POC1B: variants seen among roughly 807,000 people sequenced by gnomAD.
POC1B encodes POC1 centriolar protein B.
In POC1B, 44 loss-of-function variants were observed where a neutral mutation model predicts 60.6. The ratio of observed to expected loss-of-function variants is 0.73; its 90% CI spans 0.57 to 0.93. POC1B has a LOEUF of 0.93. POC1B is among the 40% of genes least tolerant of loss of function. The pLI, the probability that POC1B is intolerant of heterozygous loss-of-function variation, is 0.00. For synonymous variants in POC1B, 180 were observed against 198.9 expected (o/e 0.90, Z 0.80); for missense variants, 555 against 572.3 (o/e 0.97, Z 0.31).
At chr12:89,500,192 G>A in intron 2 of POC1B, 1 of 1,598,850 alleles carries the variant, frequency 6.3e-7, no homozygotes, top group Non-Finnish European at 8.5e-7. Context: ...AGGCCAGAAT[G>A]TTCTGGAAAT....
intron 11 of POC1B, among the ~76,000 whole-genome samples, chr12:89,424,455 A>C (rs186458379): frequency 1.3e-5 from 2 of 152,302 alleles, no homozygotes; most frequent in African/African-American, 4.8e-5. Context: ...TCTGTAGTTC[A>C]TATTTTACCA....
At chr12:89,475,655 T>G (rs888948085) in intron 4 of POC1B, among the ~76,000 whole-genome samples, 6 of 152,290 alleles carry the variant, frequency 3.9e-5, no homozygotes, top group African/African-American at 1.4e-4. Context: ...ACTAGACTTT[T>G]AAGAATTTAA....
chr12:89,428,338 C>A (rs1431432856), intron 10 of POC1B: 1 of 152,290 alleles, frequency 6.6e-6, no homozygotes, highest in Non-Finnish European at 1.5e-5. Flanking sequence ...AGTCCCTGCC[C>A]TGACTACCCT....
At chr12:89,523,772 C>G in intron 2 of POC1B, 1 of 1,538,896 alleles carries the variant, frequency 6.5e-7, no homozygotes, top group Non-Finnish European at 8.7e-7. Flanking sequence ...GTATTCCAAT[C>G]AATTGTGTCT....
rs1196976537 is a variant in POC1B, at chr12:89,525,994, C to T, written c.-99G>A. 11 of 1,543,198 alleles carry T rather than the reference C, an allele frequency of 7.1e-6. No homozygotes were observed. The Middle Eastern group carries it at 6.7e-4, about 93-fold the overall frequency. Reference sequence around the variant, plus strand: ...GAGGGGACCGTGCGGCTCCCGGAACCGTCTGCCCAGAGCGGCAGCGCCTCC... The same window carrying T: ...GAGGGGACCGTGCGGCTCCCGGAACTGTCTGCCCAGAGCGGCAGCGCCTCC... On this transcript the variant is annotated 5_prime_UTR_variant, in exon 1 of 12. Transcript: ENST00000313546.
intron 10 of POC1B, among the ~76,000 whole-genome samples, chr12:89,454,094 C>T (rs1882161508): frequency 6.6e-6 from 1 of 152,192 alleles, no homozygotes. Context: ...ACTGATTCAG[C>T]CGATCACTTT....
chr12:89,410,536 C>T, the POC1B span, among the ~76,000 whole-genome samples: 4 of 151,942 alleles, frequency 2.6e-5, no homozygotes, highest in South Asian at 2.1e-4. Context: ...AAACATTAGC[C>T]GGGCATGGTG....
At position 89,436,856 on chromosome 12, in the gene POC1B, C is replaced by T. The variant is rs184334253; in HGVS notation, c.1114-11477G>A. On this transcript the variant is annotated intron_variant, in intron 10 of 11. Coordinates refer to ENST00000313546, the MANE Select transcript of POC1B (RefSeq NM_172240.3). ...TCGAATACTATGGAGCAGCAGTTTACGGGTCACCCTGTGGGACCAAGTGTC... is the reference window on the plus strand; with the variant it reads ...TCGAATACTATGGAGCAGCAGTTTATGGGTCACCCTGTGGGACCAAGTGTC... Among the ~76,000 whole-genome samples the T allele has an allele frequency of 1.4e-4, 22 of 152,258 alleles. No individual in the cohort carries two copies. The East Asian group carries it at 3.3e-3, about 23-fold the overall frequency.
chr12:89,503,359 T>C (rs957070071), intron 2 of POC1B, among the ~76,000 whole-genome samples: 1 of 152,254 alleles, frequency 6.6e-6, no homozygotes, highest in Non-Finnish European at 1.5e-5. Context: ...GCGAGTGATC[T>C]GCCAGCCTCG....
chr12:89,408,892 T>C, the POC1B span, among the ~76,000 whole-genome samples: 1 of 152,254 alleles, frequency 6.6e-6, no homozygotes, highest in Admixed American at 6.5e-5. Flanking sequence ...GAGCTTTTTT[T>C]CATATGCTTG....
chr12:89,427,204 T>C (rs1880802695), intron 10 of POC1B: 1 of 152,164 alleles, frequency 6.6e-6, no homozygotes, highest in African/African-American at 2.4e-5. Context: ...GACATATAAA[T>C]CAAAGAAACA....
Position 89,496,901 on chromosome 12 carries a change from C to A in POC1B, c.272+270G>T, listed in dbSNP as rs1869277228. 3 of 364,946 alleles carry A rather than the reference C, an allele frequency of 8.2e-6. No homozygotes were observed. The East Asian group carries it at 1.5e-4, about 18-fold the overall frequency. 22.6% of individuals were successfully genotyped at this position (364,946 alleles called of 1,614,324 possible). A position where few individuals can be genotyped will look rare whatever the true frequency, so the allele number is the denominator to read the frequency against. On this transcript the variant is annotated intron_variant, in intron 3 of 11. Coordinates refer to ENST00000313546, the MANE Select transcript of POC1B (RefSeq NM_172240.3). ...AGACAGTCTAAAGCTTACCTCAGAT[C>A]TACAAAGGGATGGATAGCTACCACT...
At chr12:89,463,834 C>T (rs10858869) in intron 9 of POC1B, among the ~76,000 whole-genome samples, 29,204 of 152,058 alleles carry the variant, frequency 0.19, 3,241 homozygotes, top group South Asian at 0.36. Context: ...GTAATTTATA[C>T]ATTTAGTCAG....
chr12:89,490,234 A>G (rs1474890663), intron 4 of POC1B, among the ~76,000 whole-genome samples: 1 of 152,178 alleles, frequency 6.6e-6, no homozygotes, highest in Non-Finnish European at 1.5e-5. Context: ...GTCACTTCCA[A>G]CTAGGTGAGT....
chr12:89,423,241 G>T (rs975643560), intron 11 of POC1B, among the ~76,000 whole-genome samples: 22 of 152,134 alleles, frequency 1.4e-4, no homozygotes, highest in African/African-American at 4.8e-4. Context: ...CGAGCTGGGC[G>T]AATCGCTTGA....
intron 4 of POC1B, among the ~76,000 whole-genome samples, chr12:89,482,434 A>T (rs1197332003): frequency 6.6e-6 from 1 of 152,184 alleles, no homozygotes; most frequent in Admixed American, 6.5e-5. Context: ...AAAGAACAAC[A>T]ATTTTTACAA....
intron 10 of POC1B, among the ~76,000 whole-genome samples, chr12:89,451,811 T>C (rs1441564479): frequency 1.3e-5 from 2 of 152,190 alleles, no homozygotes; most frequent in Non-Finnish European, 2.9e-5. Context: ...AGCTTCACTA[T>C]CTATGCAGCA....
downstream of POC1B, among the ~76,000 whole-genome samples, chr12:89,418,021 G>A (rs185888811): frequency 1.1e-3 from 165 of 152,294 alleles, no homozygotes; most frequent in Non-Finnish European, 1.9e-3. Flanking sequence ...CCATCAATGC[G>A]GAGTTGCTTA....
At chr12:89,496,334 A>G (rs1023264623) in intron 3 of POC1B, among the ~76,000 whole-genome samples, 1 of 152,200 alleles carries the variant, frequency 6.6e-6, no homozygotes. Flanking sequence ...GGTACTGGTC[A>G]GTGGCCCAGG....
Sources: gnomAD v4.1 joint callset for allele counts (sites outside exome capture counted in the v4.1 genomes callset) on GRCh38, gnomAD v4.1.1 for gene constraint, MANE v1.5 for transcripts, NCBI Gene and HGNC (gene_info 2026-07-23, HGNC 2026-07-21) for gene names.